The following KLF12 variants were observed in gnomAD, a reference collection of about 807,000 sequenced individuals.
KLF12 encodes the protein Krueppel-like factor 12.
Under a neutral mutation model 37.8 loss-of-function variants are expected in KLF12, and 9 were observed. That is an observed-to-expected ratio of 0.24 (90% confidence interval 0.14 to 0.42). The LOEUF (loss-of-function observed/expected upper bound fraction) is 0.42. Ranked by LOEUF, KLF12 falls within the 10% of genes least tolerant of loss-of-function variation. The pLI is 1.00. For synonymous variants in KLF12, 208 were observed against 202.1 expected, an observed-to-expected ratio of 1.03 and a Z score of -0.25; for missense variants, 411 against 516.0, an observed-to-expected ratio of 0.80 and a Z score of 1.97.
chr13:73,736,903 T>C (rs1877504819), intron 6 of KLF12, among the ~76,000 whole-genome samples: 1 of 152,222 alleles, frequency 6.6e-6, no homozygotes, highest in Non-Finnish European at 1.5e-5. Flanking sequence ...ACATATATTA[T>C]GGTTTCTAGT....
the KLF12 span, among the ~76,000 whole-genome samples, chr13:74,291,266 A>G: frequency 6.6e-6 from 1 of 152,242 alleles, no homozygotes; most frequent in Admixed American, 6.5e-5. Context: ...ACTACCTTAT[A>G]ATGAAGCTGA....
intron 1 of KLF12, among the ~76,000 whole-genome samples, chr13:74,012,764 G>C (rs1265250828): frequency 2.0e-5 from 3 of 152,202 alleles, no homozygotes; most frequent in African/African-American, 4.8e-5. Context: ...GTACACTTAA[G>C]CTATTTTGCA....
intron 2 of KLF12, among the ~76,000 whole-genome samples, chr13:73,987,671 G>A (rs1366271816): frequency 7.2e-6 from 1 of 139,082 alleles, no homozygotes; most frequent in Non-Finnish European, 1.6e-5. Context: ...GGGAAGAGAG[G>A]AAATTGGAGA....
At chr13:73,790,121 T>C (rs1881598454) in intron 5 of KLF12, among the ~76,000 whole-genome samples, 1 of 152,210 alleles carries the variant, frequency 6.6e-6, no homozygotes, top group Admixed American at 6.5e-5. Flanking sequence ...TTTATTCCCT[T>C]TTCCAATTCG....
At chr13:74,091,924 C>A (rs189636645) in intron 1 of KLF12, among the ~76,000 whole-genome samples, 14 of 151,572 alleles carry the variant, frequency 9.2e-5, no homozygotes, top group African/African-American at 2.9e-4. Flanking sequence ...GCAGAGGGTA[C>A]GTGTGACACT....
At chr13:73,746,702 A>G (rs1387875034) in intron 6 of KLF12, among the ~76,000 whole-genome samples, 2 of 151,922 alleles carry the variant, frequency 1.3e-5, no homozygotes, top group African/African-American at 2.4e-5. Context: ...ATTCTATTTT[A>G]TTTAAATTTT....
chr13:73,844,851 C>T (rs1173025707), intron 4 of KLF12: 1 of 152,076 alleles, frequency 6.6e-6, no homozygotes, highest in African/African-American at 2.4e-5. Flanking sequence ...AATCTTAATC[C>T]ATCATTATTT....
chr13:74,001,474 G>A (rs1258187736), intron 1 of KLF12, among the ~76,000 whole-genome samples: 2 of 152,176 alleles, frequency 1.3e-5, no homozygotes, highest in Non-Finnish European at 2.9e-5. Flanking sequence ...CTAGGTACAG[G>A]ACATTATGGG....
chr13:73,909,652 A>C (rs1177989025), intron 3 of KLF12, among the ~76,000 whole-genome samples: 1 of 152,168 alleles, frequency 6.6e-6, no homozygotes, highest in Non-Finnish European at 1.5e-5. Context: ...AATTTTAATA[A>C]CTGTGATATC....
At position 73,753,481 on chromosome 13, in the gene KLF12, TG is replaced by T. The variant is rs368468294; in HGVS notation, c.869+11456del. 2.8e-4 allele frequency among the ~76,000 whole-genome samples: 43 copies of T among 152,312 alleles called. 1 individual carries two copies. In the South Asian group the frequency reaches 3.7e-3, roughly 13 times the overall value. ...CATCAAGGCACTTATCACTACCAGA[TG>T]CTAGCCAGTTGTCACTCTTGCTCCA... On this transcript the variant is annotated intron_variant, in intron 6 of 7. Coordinates refer to ENST00000377669, the MANE Select transcript of KLF12 (RefSeq NM_007249.5).
intron 1 of KLF12, among the ~76,000 whole-genome samples, chr13:74,023,187 C>G (rs760700742): frequency 5.9e-5 from 9 of 152,188 alleles, no homozygotes; most frequent in Non-Finnish European, 1.3e-4. Context: ...TATGGAATAG[C>G]TTTCCCATAA....
intron 7 of KLF12, among the ~76,000 whole-genome samples, chr13:73,711,683 T>A (rs1262197711): frequency 1.3e-5 from 2 of 152,116 alleles, no homozygotes; most frequent in Admixed American, 6.6e-5. Flanking sequence ...AGAGCTCTGA[T>A]GAGATGTACA....
In KLF12 at chr13:73,994,465, G is replaced by GC. The variant is rs202143054; in HGVS notation, c.33+524dup. Among the ~76,000 whole-genome samples, 246 of 146,270 alleles carry GC rather than the reference G, an allele frequency of 1.7e-3. 2 individuals carry two copies. Among genetic ancestry groups the GC allele is most frequent in the South Asian group, 0.017 (73 of 4,420 alleles). ...TTTGAGGACTGTTGAAATTCACAGC[G>GC]CCCCCCCCACCACCACACTTTCATT... On this transcript the variant is annotated intron_variant, in intron 2 of 7. Transcript: ENST00000377669.
intron 1 of KLF12, among the ~76,000 whole-genome samples, chr13:74,044,234 G>C (rs1857753053): frequency 6.6e-6 from 1 of 152,224 alleles, no homozygotes; most frequent in East Asian, 1.9e-4. Flanking sequence ...TCCTTCACTA[G>C]CACTGTCATT....
At chr13:74,079,581 G>A (rs1314571676) in intron 1 of KLF12, among the ~76,000 whole-genome samples, 2 of 152,072 alleles carry the variant, frequency 1.3e-5, no homozygotes, top group Non-Finnish European at 1.5e-5. Context: ...CTTTTTCAAT[G>A]GACTGGTGAG....
At position 73,689,649 on chromosome 13, in the gene KLF12, T is replaced by A. The variant is rs1397117186; in HGVS notation, c.*5841A>T. ...GGCTAGGCTTACTAAGTGTCAGTGG[T>A]ACTTCAACAGACTTTTTGGGGAGAA... is the stretch of plus-strand genomic sequence containing the variant. On this transcript the variant is annotated 3_prime_UTR_variant, in exon 8 of 8. Coordinates refer to ENST00000377669, the MANE Select transcript of KLF12 (RefSeq NM_007249.5). 2 of 152,212 alleles carry A rather than the reference T, an allele frequency of 1.3e-5. No individual in the cohort carries two copies. Among genetic ancestry groups the A allele is most frequent in the Non-Finnish European group, 2.9e-5 (2 of 68,032 alleles). The allele number at this position is 152,212 out of a possible 1,614,324, so 9.4% of individuals were successfully genotyped here.
At chr13:74,021,594 C>T (rs1442841363) in intron 1 of KLF12, among the ~76,000 whole-genome samples, 1 of 152,076 alleles carries the variant, frequency 6.6e-6, no homozygotes, top group African/African-American at 2.4e-5. Flanking sequence ...TCTTTACAAC[C>T]CCATGACTAC....
At chr13:73,716,042 A>G (rs1875777294) in intron 6 of KLF12, among the ~76,000 whole-genome samples, 1 of 152,224 alleles carries the variant, frequency 6.6e-6, no homozygotes, top group Non-Finnish European at 1.5e-5. Flanking sequence ...TGACATCAGT[A>G]ACATGAATCA....
At chr13:74,146,532 A>G in the KLF12 span, among the ~76,000 whole-genome samples, 1 of 152,210 alleles carries the variant, frequency 6.6e-6, no homozygotes, top group African/African-American at 2.4e-5. Context: ...TAAAAGGATA[A>G]GGAGCAATGG....
Sources: gnomAD v4.1 joint callset for allele counts (sites outside exome capture counted in the v4.1 genomes callset) on GRCh38, gnomAD v4.1.1 for gene constraint, MANE v1.5 for transcripts, NCBI Gene and HGNC (gene_info 2026-07-23, HGNC 2026-07-21) for gene names.